Variants in LIX1L observed in about 807,000 individuals in gnomAD.
The protein encoded by LIX1L is LIX1-like protein.
LIX1L carries 20 observed loss-of-function variants against 34.0 expected under a neutral mutation model. The observed-to-expected ratio is 0.59, with a 90% CI of 0.41 to 0.85. The LOEUF (loss-of-function observed/expected upper bound fraction) is 0.85, where lower values mean the gene tolerates loss of function less well. Ranked by LOEUF, LIX1L falls within the 40% of genes least tolerant of loss-of-function variation. The pLI, the probability that LIX1L is intolerant of heterozygous loss-of-function variation, is 0.00. For synonymous variants in LIX1L, 170 were observed against 187.4 expected (o/e 0.91, Z 0.76); for missense variants, 397 against 447.0 (o/e 0.89, Z 1.01).
At chr1:145,939,478 G>C (rs111484559) in intron 3 of LIX1L, among the ~76,000 whole-genome samples, 6,336 of 151,450 alleles carry the variant, frequency 0.042, 464 homozygotes, top group African/African-American at 0.14. Flanking sequence ...GCTAATTTTT[G>C]TATTTTTTAG....
intron 3 of LIX1L, chr1:145,942,103 C>G (rs947146587): frequency 1.3e-5 from 2 of 152,098 alleles, no homozygotes; most frequent in African/African-American, 4.8e-5. Flanking sequence ...CCAGGATGGT[C>G]TCGATCTCCT....
chr1:145,949,497 G>A (rs954115680), intron 1 of LIX1L, among the ~76,000 whole-genome samples: 2 of 151,674 alleles, frequency 1.3e-5, no homozygotes, highest in African/African-American at 4.8e-5. Context: ...GTGAGGGAGG[G>A]GAAGTGTAAT....
chr1:145,940,732 T>TTA (rs1553758567), intron 3 of LIX1L, among the ~76,000 whole-genome samples: 1 of 151,218 alleles, frequency 6.6e-6, no homozygotes, highest in Non-Finnish European at 1.5e-5. Flanking sequence ...TTTTTTTTTT[T>TTA]TAGTAGAGAC....
intron 3 of LIX1L, among the ~76,000 whole-genome samples, chr1:145,938,982 CTTT>C (rs782308276): frequency 2.9e-5 from 4 of 136,768 alleles, no homozygotes; most frequent in Non-Finnish European, 3.2e-5. Flanking sequence ...AAATACTGTA[CTTT>C]TTTTTTTTTT....
chr1:145,951,436 G>A (rs1401239904), intron 1 of LIX1L, among the ~76,000 whole-genome samples: 1 of 152,196 alleles, frequency 6.6e-6, no homozygotes, highest in African/African-American at 2.4e-5. Context: ...CTGAGTTGGA[G>A]AAGCAGCATA....
intron 2 of LIX1L, among the ~76,000 whole-genome samples, chr1:145,945,563 A>C (rs1343570457): frequency 1.3e-5 from 2 of 151,574 alleles, no homozygotes; most frequent in Non-Finnish European, 1.5e-5. Flanking sequence ...CCTGGCCAAC[A>C]TGGCGAAACC....
At chr1:145,944,049 AAACTT>A (rs1335819926) in intron 2 of LIX1L, among the ~76,000 whole-genome samples, 2 of 147,862 alleles carry the variant, frequency 1.4e-5, no homozygotes, top group East Asian at 2.1e-4. Context: ...CTCTAAAAGA[AAACTT>A]AAAATAAAAA....
intron 3 of LIX1L, chr1:145,939,969 A>G (rs1648833358): frequency 6.6e-6 from 1 of 150,578 alleles, no homozygotes. Flanking sequence ...CAATGAATTT[A>G]GTTATTTATT....
intron 2 of LIX1L, 130 bp from the exon 3 acceptor site, chr1:145,942,983 C>T (rs111404252): frequency 2.6e-5 from 23 of 887,104 alleles, no homozygotes; most frequent in African/African-American, 2.5e-4. Context: ...GTGTTCAACA[C>T]ACTTTCCAAG....
intron 2 of LIX1L, among the ~76,000 whole-genome samples, chr1:145,946,802 C>T (rs1224785980): frequency 6.6e-6 from 1 of 152,112 alleles, no homozygotes; most frequent in Non-Finnish European, 1.5e-5. Context: ...ACAGTAGGGC[C>T]TTTAACCTTG....
At chr1:145,939,860 A>C (rs369100906) in intron 3 of LIX1L, 13 of 152,650 alleles carry the variant, frequency 8.5e-5, no homozygotes, top group African/African-American at 2.2e-4. Flanking sequence ...GCTGGTCTCC[A>C]ACTCCTGAGC....
chr1:145,935,989 A>G lies in LIX1L; in HGVS notation c.*321T>C, dbSNP rs1314439062. On this transcript the variant is annotated 3_prime_UTR_variant, in exon 6 of 6. Transcript: ENST00000604000. ...ACCTGATATTTGAAAAGAAGGACAC[A>G]TGAACACTAGAGTTAATCTTTTAGT... 4 of 304,106 alleles carry G rather than the reference A, an allele frequency of 1.3e-5. No homozygotes were observed. Among genetic ancestry groups the G allele is most frequent in the African/African-American group, 4.5e-5 (2 of 44,836 alleles). The allele number at this position is 304,106 out of a possible 1,614,324, so 18.8% of individuals were successfully genotyped here.
Position 145,946,118 on chromosome 1 carries a change from C to CA in LIX1L, c.456+1500dup, listed in dbSNP as rs1248654845. On this transcript the variant is annotated intron_variant, in intron 2 of 5. Coordinates refer to ENST00000604000, the MANE Select transcript of LIX1L (RefSeq NM_153713.3). ...GACTCCATCTCAAAAAACAAAAAAA[C>CA]AAAAAAACAAAAAAAAACAAGTGAA... 4.1e-5 allele frequency among the ~76,000 whole-genome samples: 6 copies of CA among 146,222 alleles called. No individual in the cohort carries two copies. In the East Asian group the frequency reaches 6.0e-4, roughly 15 times the overall value.
In LIX1L at chr1:145,942,740, A is replaced by C. The variant is rs1296259930; in HGVS notation, c.570T>G (p.Ser190Arg). The C allele has an allele frequency of 1.9e-6, 3 of 1,613,964 alleles. No homozygotes were observed. The highest frequency in any genetic ancestry group is 3.3e-5 in the Admixed American group (2 of 59,994). Reference sequence around the variant, plus strand: ...TAAAAGATGCCAGGGCCTCAGAGACACTCTTCTCGATGAACTCATCAGTGA... The same window carrying C: ...TAAAAGATGCCAGGGCCTCAGAGACCCTCTTCTCGATGAACTCATCAGTGA... ...RRITDEFIEKSVSEALASFNG... is the reference protein window; with the variant it reads ...RRITDEFIEKRVSEALASFNG... The change falls in exon 3 of 6, where the codon AGT becomes AGG. Residue 190 changes from serine (S) to arginine (R), a missense_variant. Physicochemically the swap from Ser to Arg is moderately radical, Grantham distance 110. Transcript: ENST00000604000.
Position 145,936,033 on chromosome 1 carries a change from C to T in LIX1L, c.*277G>A, listed in dbSNP as rs1648625627. 4 of 410,174 alleles carry T rather than the reference C, an allele frequency of 9.8e-6. 1 individual carries two copies. The highest frequency in any genetic ancestry group is 8.2e-5 in the African/African-American group (4 of 48,730). 25.4% of individuals were successfully genotyped at this position (410,174 alleles called of 1,614,324 possible). A position where few individuals can be genotyped will look rare whatever the true frequency, so the allele number is the denominator to read the frequency against. ...TTTTAGTGCTACTGAAATGGCTACA[C>T]AGTTAATCTGGAAGTTTAAGAGCTA... On this transcript the variant is annotated 3_prime_UTR_variant, in exon 6 of 6. Transcript: ENST00000604000.
chr1:145,938,772 G>C (rs1648767024), intron 3 of LIX1L, among the ~76,000 whole-genome samples: 1 of 152,104 alleles, frequency 6.6e-6, no homozygotes, highest in South Asian at 2.1e-4. Context: ...ATTTTTAGTG[G>C]AGACGGGGTT....
Position 145,948,027 on chromosome 1 carries a change from A to AT in LIX1L, c.293-246dup, listed in dbSNP as rs1430724030. ...CTGGTTCACATTTTATTTTATTTAA[A>AT]TTTTTTTTTCACTCCCACCTCCAAT... On this transcript the variant is annotated intron_variant, in intron 1 of 5. Transcript: ENST00000604000. The surrounding 1 kb of genome is among the most constrained non-coding windows in gnomAD (Gnocchi z 4.0). 6.6e-6 allele frequency among the ~76,000 whole-genome samples: 1 copy of AT among 151,396 alleles called. No individual in the cohort carries two copies. The highest frequency in any genetic ancestry group is 2.4e-5 in the African/African-American group (1 of 41,162).
chr1:145,955,418 GGAA>G (rs1172323034), intron 1 of LIX1L, among the ~76,000 whole-genome samples: 1 of 152,204 alleles, frequency 6.6e-6, no homozygotes, highest in Non-Finnish European at 1.5e-5. Context: ...GGAGCATTCA[GGAA>G]GAAGATGAAG....
At chr1:145,957,182 C>G (rs934913750) in intron 1 of LIX1L, among the ~76,000 whole-genome samples, 5 of 152,120 alleles carry the variant, frequency 3.3e-5, no homozygotes, top group Non-Finnish European at 7.4e-5. Flanking sequence ...ATTTAACAGT[C>G]AAGGTTAAGG....
Sources: gnomAD v4.1 joint callset for allele counts (sites outside exome capture counted in the v4.1 genomes callset) on GRCh38, gnomAD v4.1.1 for gene constraint, Gnocchi (gnomAD v3.1) non-coding constraint, MANE v1.5 for transcripts, NCBI Gene and HGNC (gene_info 2026-07-23, HGNC 2026-07-21) for gene names.